Variants in TXNRD1 observed in about 807,000 individuals in gnomAD.
The protein encoded by TXNRD1 is thioredoxin reductase 1.
In TXNRD1, 57 loss-of-function variants were observed where a neutral mutation model predicts 80.3. That is an observed-to-expected ratio of 0.71 (90% CI 0.57 to 0.89). The LOEUF (loss-of-function observed/expected upper bound fraction) is 0.89, where lower values mean the gene tolerates loss of function less well. Among genes scored for constraint, TXNRD1 ranks in the 40% least tolerant of loss-of-function variants. The probability of loss-of-function intolerance (pLI) is 0.00; values close to 1 mark genes in which losing one functional copy is unlikely to be tolerated. For synonymous variants in TXNRD1, 291 were observed against 285.2 expected (o/e 1.02, Z -0.20); for missense variants, 730 against 803.0 (o/e 0.91, Z 1.10).
At chr12:104,294,021 T>C (rs969856300) in intron 4 of TXNRD1, among the ~76,000 whole-genome samples, 1 of 152,178 alleles carries the variant, frequency 6.6e-6, no homozygotes, top group African/African-American at 2.4e-5. Context: ...TCAGGGACTA[T>C]TAGTATTTTC....
At chr12:104,292,384 C>T (rs375466072) in intron 4 of TXNRD1, among the ~76,000 whole-genome samples, 19 of 133,756 alleles carry the variant, frequency 1.4e-4, no homozygotes, top group East Asian at 2.5e-4. Context: ...AATCTACCCC[C>T]GCCCCCCCGC....
At chr12:104,284,359 G>A (rs2033934015) in intron 3 of TXNRD1, 1 of 152,218 alleles carries the variant, frequency 6.6e-6, no homozygotes, top group Non-Finnish European at 1.5e-5. Flanking sequence ...CAACGCGACT[G>A]AGAAGCTTGG....
At chr12:104,241,812 C>T (rs1246158912) in intron 1 of TXNRD1, among the ~76,000 whole-genome samples, 1 of 152,016 alleles carries the variant, frequency 6.6e-6, no homozygotes, top group Non-Finnish European at 1.5e-5. Context: ...GTTGGGATTA[C>T]AGGCGTGAGC....
chr12:104,304,812 A>G lies in TXNRD1; in HGVS notation c.415-6478A>G, dbSNP rs756927289. The G allele has an allele frequency of 5.0e-6, 8 of 1,613,922 alleles. No individual in the cohort carries two copies. The African/African-American group carries it at 1.1e-4, about 22-fold the overall frequency. On this transcript the variant is annotated intron_variant, in intron 4 of 16. Transcript: ENST00000525566. ...CCGATGAATGTTAACCAAATGGGTG[A>G]GGGAAATGATTCCAGTTGCCATGGC...
intron 1 of TXNRD1, among the ~76,000 whole-genome samples, chr12:104,249,860 G>A (rs915526312): frequency 1.7e-4 from 25 of 150,834 alleles, no homozygotes; most frequent in Non-Finnish European, 3.4e-4. Context: ...GCGTGAACCC[G>A]GGAGGCGGAG....
chr12:104,312,465 A>G (rs1454457993), intron 5 of TXNRD1, among the ~76,000 whole-genome samples: 6 of 152,236 alleles, frequency 3.9e-5, no homozygotes, highest in Admixed American at 2.0e-4. Context: ...AATACTGCAG[A>G]CCAGTATGTA....
rs182020389 is a variant in TXNRD1 at position 104,245,591 on chromosome 12, G to A, written c.92-5936G>A. On this transcript the variant is annotated intron_variant, in intron 1 of 16. Coordinates refer to ENST00000525566, the MANE Select transcript of TXNRD1 (RefSeq NM_001093771.3). ...CCATCTCAGGAGGTTGCAGTGAGCC[G>A]AGATCCGAGATGGAGCCACTGCACT... Among the ~76,000 whole-genome samples the A allele has an allele frequency of 1.2e-3, 163 of 141,134 alleles. 1 individual carries two copies. Among genetic ancestry groups the A allele is most frequent in the African/African-American group, 4.0e-3 (152 of 37,656 alleles). The allele number at this position is 141,134 out of a possible 152,430, so 92.6% of individuals were successfully genotyped here.
At chr12:104,260,912 G>A (rs1332250031) in intron 3 of TXNRD1, among the ~76,000 whole-genome samples, 1 of 152,200 alleles carries the variant, frequency 6.6e-6, no homozygotes, top group Non-Finnish European at 1.5e-5. Context: ...TGGGCAGGAT[G>A]AATGCACTAA....
chr12:104,319,734 A>G (rs527826971), intron 9 of TXNRD1, 149 bp downstream of exon 9: 15 of 660,872 alleles, frequency 2.3e-5, no homozygotes, highest in Non-Finnish European at 3.5e-5. Context: ...TTTGGGAGAA[A>G]GAGAAAAAGG....
chr12:104,254,644 A>AAAAAAAAAAATCTATATATATATAT, intron 2 of TXNRD1, among the ~76,000 whole-genome samples: 1 of 93,650 alleles, frequency 1.1e-5, no homozygotes, highest in African/African-American at 5.2e-5. Context: ...AAAAAAAAAA[A>AAAAAAAAAAATCTATATATATATAT]ATATATATAT....
chr12:104,311,325 A>T lies in TXNRD1; in HGVS notation c.450A>T (p.Lys150Asn). The change falls in exon 5 of 17, where the codon AAA becomes AAT. Residue 150 changes from lysine to asparagine, a missense_variant. Transcript: ENST00000525566. ...YQEGRLQKLLKMNGPEDLPKS... is the reference protein window; with the variant it reads ...YQEGRLQKLLNMNGPEDLPKS... ...AGGGCAGACTTCAAAAGCTACTAAA[A>T]ATGAACGGCCCTGAAGATCTTCCCA... 1 of 1,610,032 alleles carries T rather than the reference A, an allele frequency of 6.2e-7. No individual in the cohort carries two copies. The highest frequency in any genetic ancestry group is 8.5e-7 in the Non-Finnish European group (1 of 1,177,894).
At chr12:104,306,006 C>T (rs964170197) in intron 4 of TXNRD1, among the ~76,000 whole-genome samples, 2 of 152,082 alleles carry the variant, frequency 1.3e-5, no homozygotes, top group African/African-American at 4.8e-5. Context: ...GGGGTTCAGG[C>T]GATTCTTGTG....
intron 3 of TXNRD1, among the ~76,000 whole-genome samples, chr12:104,267,665 C>CTTTCTTTCTTTG (rs2033541637): frequency 6.1e-5 from 2 of 32,822 alleles, no homozygotes; most frequent in African/African-American, 2.2e-4. Flanking sequence ...TTCTTTCTTT[C>CTTTCTTTCTTTG]TTTCTTTCTT....
chr12:104,242,001 G>T (rs566773759), intron 1 of TXNRD1, among the ~76,000 whole-genome samples: 1 of 140,612 alleles, frequency 7.1e-6, no homozygotes, highest in African/African-American at 2.7e-5. Flanking sequence ...TGCAGGGCAC[G>T]ATCTCAGCTC....
At chr12:104,283,758 T>C (rs1165738212) in intron 3 of TXNRD1, among the ~76,000 whole-genome samples, 1 of 152,096 alleles carries the variant, frequency 6.6e-6, no homozygotes, top group East Asian at 2.0e-4. Context: ...TAATCCCATC[T>C]ACTCAGGAGG....
intron 1 of TXNRD1, among the ~76,000 whole-genome samples, chr12:104,240,700 C>T (rs1027087735): frequency 3.3e-5 from 5 of 150,874 alleles, no homozygotes; most frequent in Admixed American, 3.3e-4. Flanking sequence ...AAAGCACCTA[C>T]ATTGTCTTCT....
chr12:104,323,850 A>AT (rs1474183501), intron 10 of TXNRD1, among the ~76,000 whole-genome samples: 1 of 151,976 alleles, frequency 6.6e-6, no homozygotes, highest in Non-Finnish European at 1.5e-5. Flanking sequence ...CCTATATACA[A>AT]TTTTTTAACA....
intron 2 of TXNRD1, among the ~76,000 whole-genome samples, chr12:104,252,198 G>A (rs560948028): frequency 1.3e-5 from 2 of 152,102 alleles, no homozygotes; most frequent in Non-Finnish European, 2.9e-5. Context: ...ACATATTCAG[G>A]TAGTCGAGGT....
chr12:104,304,780 A>G (rs773507190), intron 4 of TXNRD1: 2 of 1,614,000 alleles, frequency 1.2e-6, no homozygotes, highest in Non-Finnish European at 1.7e-6. Context: ...GGCTGCCAAT[A>G]TTAGAGCCGA....
Sources: gnomAD v4.1 joint callset for allele counts (sites outside exome capture counted in the v4.1 genomes callset) on GRCh38, gnomAD v4.1.1 for gene constraint, MANE v1.5 for transcripts, NCBI Gene and HGNC (gene_info 2026-07-23, HGNC 2026-07-21) for gene names.